Variants in PLEKHA2 observed in about 807,000 individuals in gnomAD.
PLEKHA2 encodes the protein pleckstrin homology domain containing A2.
In PLEKHA2, 28 loss-of-function variants were observed where a neutral mutation model predicts 53.2. The ratio of observed to expected loss-of-function variants is 0.53; its 90% CI spans 0.39 to 0.72. The LOEUF is 0.72. Among genes scored for constraint, PLEKHA2 ranks in the 30% least tolerant of loss-of-function variants. The pLI is 0.00. For missense variants in PLEKHA2, 426 were observed against 537.9 expected, an observed-to-expected ratio of 0.79 and a Z score of 2.06; for synonymous variants, 193 against 196.4, an observed-to-expected ratio of 0.98 and a Z score of 0.14.
intron 3 of PLEKHA2, among the ~76,000 whole-genome samples, chr8:38,941,408 A>G (rs549490672): frequency 6.6e-6 from 1 of 152,376 alleles, no homozygotes; most frequent in African/African-American, 2.4e-5. Flanking sequence ...TTGAAAAATT[A>G]ATGACGTTTA....
intron 1 of PLEKHA2, among the ~76,000 whole-genome samples, chr8:38,915,408 GGGTT>G (rs1834042554): frequency 6.6e-6 from 1 of 152,246 alleles, no homozygotes; most frequent in African/African-American, 2.4e-5. Flanking sequence ...GGTGTTAACA[GGGTT>G]GGTTTCTTCT....
chr8:38,926,678 C>G (rs1834294755), intron 2 of PLEKHA2, among the ~76,000 whole-genome samples: 1 of 152,218 alleles, frequency 6.6e-6, no homozygotes, highest in Non-Finnish European at 1.5e-5. Context: ...CGCCTGTAAT[C>G]CCAGTACTCT....
At chr8:38,932,279 C>T (rs4509281) in intron 2 of PLEKHA2, among the ~76,000 whole-genome samples, 50,355 of 152,110 alleles carry the variant, frequency 0.33, 8,670 homozygotes, top group Non-Finnish European at 0.35. Flanking sequence ...TACAGGTGTG[C>T]GCCACTGCAC....
chr8:38,953,284 T>G lies in PLEKHA2; in HGVS notation c.703-13T>G, dbSNP rs1834880773. 1 of 1,606,446 alleles carries G rather than the reference T, an allele frequency of 6.2e-7. No individual in the cohort carries two copies. The highest frequency in any genetic ancestry group is 1.1e-5 in the South Asian group (1 of 90,936). On this transcript the variant is annotated splice_polypyrimidine_tract_variant and intron_variant, in intron 8 of 11. Coordinates refer to ENST00000617275, the MANE Select transcript of PLEKHA2 (RefSeq NM_021623.2). ...ACAGCCTCACTTACCTGTCTTTCTG[T>G]TCTTTCCACCAGGACCGAGAACCAC...
chr8:38,904,444 G>A (rs1051670127), intron 1 of PLEKHA2, among the ~76,000 whole-genome samples: 1 of 152,212 alleles, frequency 6.6e-6, no homozygotes, highest in Non-Finnish European at 1.5e-5. Flanking sequence ...GAGAAGCACT[G>A]CAGTTAAAGT....
chr8:38,920,041 G>A (rs1167663857), intron 2 of PLEKHA2, among the ~76,000 whole-genome samples: 2 of 151,678 alleles, frequency 1.3e-5, no homozygotes, highest in African/African-American at 2.4e-5. Flanking sequence ...GCATGATCTC[G>A]GCTCACTGCA....
chr8:38,966,516 G>T (rs781750558), intron 10 of PLEKHA2, among the ~76,000 whole-genome samples: 2 of 152,306 alleles, frequency 1.3e-5, no homozygotes, highest in Non-Finnish European at 1.5e-5. Context: ...ATGTAACACC[G>T]GGTGGGGCCC....
chr8:38,950,074 C>A (rs1299140068), intron 5 of PLEKHA2, among the ~76,000 whole-genome samples: 1 of 152,184 alleles, frequency 6.6e-6, no homozygotes, highest in African/African-American at 2.4e-5. Context: ...GAGACAGGGT[C>A]TCTGTCACCT....
chr8:38,973,622 T>C lies in PLEKHA2; in HGVS notation c.*3839T>C, dbSNP rs1835292654. 6.7e-6 allele frequency: 1 copy of C among 150,050 alleles called. No individual in the cohort carries two copies. The highest frequency in any genetic ancestry group is 1.5e-5 in the Non-Finnish European group (1 of 67,754). The allele number at this position is 150,050 out of a possible 1,614,324, so 9.3% of individuals were successfully genotyped here. On this transcript the variant is annotated 3_prime_UTR_variant, in exon 12 of 12. Transcript: ENST00000617275. ...TTTGTTCCTTTTCCTCTCTGTGTTA[T>C]TGCCTGCGGCAGCCAGTCCTTCATA... is the stretch of plus-strand genomic sequence containing the variant.
Position 38,952,342 on chromosome 8 carries a change from G to C in PLEKHA2, c.633+30G>C, listed in dbSNP as rs111655245. 1,385 of 1,606,268 alleles carry C rather than the reference G, an allele frequency of 8.6e-4. 17 individuals are homozygous for C. In the African/African-American group the frequency reaches 0.016, roughly 18 times the overall value. On this transcript the variant is annotated intron_variant, in intron 7 of 11. Coordinates refer to ENST00000617275, the MANE Select transcript of PLEKHA2 (RefSeq NM_021623.2). ...GTGTCAGCACAGGGGCTGAATTGGG[G>C]TTCTGGTGACTCCTCAGAGCCAGTG...
chr8:38,947,684 C>A (rs1834740580), intron 5 of PLEKHA2, among the ~76,000 whole-genome samples: 1 of 152,160 alleles, frequency 6.6e-6, no homozygotes, highest in Non-Finnish European at 1.5e-5. Flanking sequence ...ATCTGAAGCA[C>A]TGCATGACAC....
intron 2 of PLEKHA2, among the ~76,000 whole-genome samples, chr8:38,923,522 C>G (rs11782824): frequency 6.6e-6 from 1 of 151,976 alleles, no homozygotes; most frequent in Non-Finnish European, 1.5e-5. Flanking sequence ...GTGATCCTTA[C>G]GTGCCTTTTA....
intron 8 of PLEKHA2, among the ~76,000 whole-genome samples, 153 bp downstream of exon 8, chr8:38,952,857 T>C (rs1032053460): frequency 6.6e-6 from 1 of 152,250 alleles, no homozygotes; most frequent in Admixed American, 6.5e-5. Context: ...CACACATCTT[T>C]ACAGTGACAC....
intron 10 of PLEKHA2, among the ~76,000 whole-genome samples, chr8:38,958,318 G>A (rs1588274605): frequency 8.0e-6 from 1 of 125,714 alleles, no homozygotes. Flanking sequence ...GCGAGACTTT[G>A]TCTCAAAAAA....
chr8:38,906,528 G>GC (rs1326531624), intron 1 of PLEKHA2, among the ~76,000 whole-genome samples: 1 of 151,892 alleles, frequency 6.6e-6, no homozygotes, highest in Non-Finnish European at 1.5e-5. Flanking sequence ...TGTCTGATCC[G>GC]CCCCCCGCCA....
At chr8:38,944,285 C>G (rs577371338) in intron 4 of PLEKHA2, among the ~76,000 whole-genome samples, 1 of 151,898 alleles carries the variant, frequency 6.6e-6, no homozygotes, top group Non-Finnish European at 1.5e-5. Flanking sequence ...GAGGCCGAGG[C>G]GGGCAGATCA....
intron 3 of PLEKHA2, among the ~76,000 whole-genome samples, chr8:38,938,220 T>C (rs1372464181): frequency 1.3e-5 from 2 of 152,198 alleles, no homozygotes; most frequent in African/African-American, 4.8e-5. Flanking sequence ...GGATCCTTTT[T>C]TGAGACTGAT....
chr8:38,953,178 A>AT, intron 8 of PLEKHA2, 119 bp from the exon 9 acceptor site: 1 of 838,528 alleles, frequency 1.2e-6, no homozygotes, highest in South Asian at 1.5e-5. Flanking sequence ...TTGAGACCAG[A>AT]TTATTTGTCA....
intron 1 of PLEKHA2, among the ~76,000 whole-genome samples, chr8:38,915,355 G>A (rs1404340914): frequency 1.3e-5 from 2 of 152,246 alleles, no homozygotes; most frequent in African/African-American, 4.8e-5. Context: ...AACGGCAGAA[G>A]TTCATTTTCT....
Sources: allele counts gnomAD v4.1 joint callset (sites outside exome capture counted in the v4.1 genomes callset), GRCh38; gene constraint gnomAD v4.1.1; transcripts MANE v1.5; gene names NCBI Gene and HGNC (gene_info 2026-07-23, HGNC 2026-07-21).